Variants in ZFHX3 observed in about 807,000 individuals in gnomAD.
ZFHX3 encodes zinc finger homeobox 3.
In ZFHX3, 42 loss-of-function variants were observed where a neutral mutation model predicts 279.1. That is an observed-to-expected ratio of 0.15 (90% CI 0.12 to 0.19). ZFHX3 has a LOEUF of 0.19. Ranked by LOEUF, ZFHX3 falls within the 10% of genes least tolerant of loss-of-function variation. The pLI, the probability that ZFHX3 is intolerant of heterozygous loss-of-function variation, is 1.00. For synonymous variants in ZFHX3, 2,293 were observed against 1,957.8 expected (o/e 1.17, Z -4.52); for missense variants, 4,981 against 4,754.0 (o/e 1.05, Z -1.40).
At chr16:73,491,091 T>C (rs1316074456) in intron 2 of ZFHX3, among the ~76,000 whole-genome samples, 1 of 152,236 alleles carries the variant, frequency 6.6e-6, no homozygotes, top group African/African-American at 2.4e-5. Context: ...ATGAGATTTC[T>C]ATTAGTCAGG....
At chr16:73,014,432 T>C (rs548103832) in intron 1 of ZFHX3, 19 of 151,810 alleles carry the variant, frequency 1.3e-4, no homozygotes, top group Non-Finnish European at 2.1e-4. Context: ...TAATAAAGTT[T>C]AAACATACTA....
At chr16:73,464,208 A>AAG (rs376877149) in intron 2 of ZFHX3, among the ~76,000 whole-genome samples, 7 of 151,462 alleles carry the variant, frequency 4.6e-5, no homozygotes, top group African/African-American at 1.5e-4. Flanking sequence ...GAAAGAGAGA[A>AAG]AGAGAGAGAG....
chr16:72,922,231 C>G (rs545097791), intron 3 of ZFHX3, among the ~76,000 whole-genome samples: 44 of 152,280 alleles, frequency 2.9e-4, no homozygotes, highest in African/African-American at 1.1e-3. Context: ...TCTCTTTGCA[C>G]CCAATTCCTC....
chr16:73,548,344 C>T (rs2020153862), intron 2 of ZFHX3, among the ~76,000 whole-genome samples: 1 of 152,166 alleles, frequency 6.6e-6, no homozygotes, highest in Admixed American at 6.5e-5. Context: ...CAGATCTCGT[C>T]TTCTTTAGTT....
At chr16:73,856,055 T>A (rs1352857953) in intron 1 of ZFHX3, among the ~76,000 whole-genome samples, 2 of 152,212 alleles carry the variant, frequency 1.3e-5, no homozygotes, top group Non-Finnish European at 2.9e-5. Flanking sequence ...CTTAGTACCA[T>A]GGAAAAATGT....
In ZFHX3 at chr16:73,507,764, G is replaced by A. The variant is rs1029890878; in HGVS notation, c.-1546-51506C>T. Among the ~76,000 whole-genome samples, 6 of 152,146 alleles carry A rather than the reference G, an allele frequency of 3.9e-5. No individual in the cohort carries two copies. The East Asian group carries it at 1.2e-3, about 29-fold the overall frequency. ...AATCCTCCCACCTTGGCCTCCCAAAGTGCTGGGATTACAGGCAAGAGCCAC... is the reference window on the plus strand; with the variant it reads ...AATCCTCCCACCTTGGCCTCCCAAAATGCTGGGATTACAGGCAAGAGCCAC... On this transcript the variant is annotated intron_variant, in intron 2 of 17. Coordinates refer to the ZFHX3 transcript ENST00000641206.
At chr16:73,582,995 G>C (rs951731916) in intron 2 of ZFHX3, among the ~76,000 whole-genome samples, 3 of 152,176 alleles carry the variant, frequency 2.0e-5, no homozygotes, top group African/African-American at 4.8e-5. Context: ...AAACATAAAA[G>C]GCTATAAGAT....
intron 1 of ZFHX3, among the ~76,000 whole-genome samples, chr16:73,749,170 A>G (rs2053733717): frequency 6.6e-6 from 1 of 152,036 alleles, no homozygotes; most frequent in African/African-American, 2.4e-5. Flanking sequence ...TCCCACATGC[A>G]CTTTGTATTT....
chr16:73,085,738 C>T (rs1966003650), intron 8 of ZFHX3, among the ~76,000 whole-genome samples: 1 of 151,892 alleles, frequency 6.6e-6, no homozygotes, highest in Admixed American at 6.6e-5. Flanking sequence ...TAGAAGAAAA[C>T]ATTAGGGAAA....
intron 3 of ZFHX3, among the ~76,000 whole-genome samples, chr16:73,368,270 A>G (rs906039478): frequency 2.6e-5 from 4 of 152,348 alleles, no homozygotes; most frequent in African/African-American, 9.6e-5. Flanking sequence ...ACAAAACAAA[A>G]AGCCTCTGTA....
intron 5 of ZFHX3, among the ~76,000 whole-genome samples, chr16:73,197,416 T>G (rs1968174480): frequency 6.6e-6 from 1 of 152,174 alleles, no homozygotes; most frequent in African/African-American, 2.4e-5. Context: ...CCAAGTACCA[T>G]GTCTGTTGTC....
chr16:73,465,446 G>C (rs926464991), intron 2 of ZFHX3, among the ~76,000 whole-genome samples: 1 of 152,138 alleles, frequency 6.6e-6, no homozygotes, highest in Admixed American at 6.5e-5. Context: ...CACCTCGAAA[G>C]CTGCCTCGCC....
intron 1 of ZFHX3, among the ~76,000 whole-genome samples, chr16:73,855,401 G>A (rs976040761): frequency 1.3e-5 from 2 of 152,076 alleles, no homozygotes; most frequent in Non-Finnish European, 2.9e-5. Flanking sequence ...TGAATTATCA[G>A]AGAGGAAGTC....
At chr16:73,707,927 C>G (rs543888732) in intron 1 of ZFHX3, among the ~76,000 whole-genome samples, 1 of 152,092 alleles carries the variant, frequency 6.6e-6, no homozygotes, top group Admixed American at 6.5e-5. Flanking sequence ...AGGAGATTTC[C>G]AATGGACTTG....
intron 2 of ZFHX3, among the ~76,000 whole-genome samples, chr16:73,502,522 T>C (rs1305299625): frequency 1.3e-5 from 2 of 152,176 alleles, no homozygotes; most frequent in East Asian, 3.9e-4. Flanking sequence ...TCCTGCATGG[T>C]GTCTAACCAC....
intron 2 of ZFHX3, among the ~76,000 whole-genome samples, chr16:73,459,978 T>C (rs940766114): frequency 3.3e-5 from 5 of 152,306 alleles, no homozygotes; most frequent in East Asian, 3.9e-4. Flanking sequence ...ACACAAGGCC[T>C]AACCATATCA....
chr16:72,958,589 G>C lies in ZFHX3; in HGVS notation c.1557C>G (p.Ser519Arg), dbSNP rs758035590. The stretch of plus-strand genomic sequence containing the variant: ...GGTTTGAGAGAGCAAGGTCCTTTTT[G>C]CTGCTACTACCTGCTGCGGCCCCAG... ...EEPGAAAGSS[S>R]KKDLALSNQS... The change falls in exon 2 of 10, where the codon AGC becomes AGG. Residue 519 changes from serine to arginine, a missense_variant. This residue lies in a region of ZFHX3 where 1,068 missense variants were observed against 935.2 expected (regional missense o/e 1.14). Coordinates refer to ENST00000268489, the MANE Select transcript of ZFHX3 (RefSeq NM_006885.4). 6.2e-7 allele frequency: 1 copy of C among 1,614,098 alleles called. No homozygotes were observed. Among genetic ancestry groups the C allele is most frequent in the South Asian group, 1.1e-5 (1 of 91,080 alleles).
At chr16:73,474,200 T>G (rs1173614146) in intron 2 of ZFHX3, among the ~76,000 whole-genome samples, 1 of 152,024 alleles carries the variant, frequency 6.6e-6, no homozygotes, top group Non-Finnish European at 1.5e-5. Context: ...CAGGCTGGAG[T>G]GCAGTGGCAT....
chr16:73,422,625 A>C (rs370064145), intron 3 of ZFHX3, among the ~76,000 whole-genome samples: 1 of 152,116 alleles, frequency 6.6e-6, no homozygotes. Flanking sequence ...TTAGGTCTAG[A>C]TTTACTGCCC....
Sources: allele counts gnomAD v4.1 joint callset (sites outside exome capture counted in the v4.1 genomes callset), GRCh38; gene constraint gnomAD v4.1.1; regional missense constraint gnomAD v4.1.1; transcripts MANE v1.5; gene names NCBI Gene and HGNC (gene_info 2026-07-23, HGNC 2026-07-21).